The following NUP50 variants were observed in gnomAD, a reference collection of about 807,000 sequenced individuals.
NUP50 encodes the protein nucleoporin 50.
NUP50 carries 14 observed loss-of-function variants against 36.8 expected under a neutral mutation model. That is an observed-to-expected ratio of 0.38 (90% CI 0.25 to 0.59). NUP50 has a LOEUF of 0.59. Among genes scored for constraint, NUP50 ranks in the 20% least tolerant of loss-of-function variants. NUP50 has a pLI of 0.63. For synonymous variants in NUP50, 195 were observed against 210.8 expected (o/e 0.93, Z 0.65); for missense variants, 455 against 564.6 (o/e 0.81, Z 1.97).
Position 45,165,363 on chromosome 22 carries a change from G to A in NUP50, c.-11+1067G>A, listed in dbSNP as rs189822896. Among the ~76,000 whole-genome samples the A allele has an allele frequency of 2.8e-4, 42 of 152,312 alleles. No homozygotes were observed. In the East Asian group the frequency reaches 7.3e-3, roughly 27 times the overall value. Reference sequence around the variant, plus strand: ...TGATTCTCCTGCCTCAGCTTTCCAAGTAGCTGGGACCACAGGCGTGCGCCA... The same window carrying A: ...TGATTCTCCTGCCTCAGCTTTCCAAATAGCTGGGACCACAGGCGTGCGCCA... On this transcript the variant is annotated intron_variant, in intron 1 of 7. Coordinates refer to ENST00000347635, the MANE Select transcript of NUP50 (RefSeq NM_007172.4).
chr22:45,175,806 T>C (rs981814848), intron 3 of NUP50, 88 bp from the exon 4 acceptor site: 3 of 1,300,612 alleles, frequency 2.3e-6, no homozygotes, highest in African/African-American at 2.9e-5. Flanking sequence ...GTCTAGGTGC[T>C]GTTTAGCCAA....
intron 2 of NUP50, among the ~76,000 whole-genome samples, chr22:45,170,737 A>G (rs73432277): frequency 0.023 from 3,468 of 152,290 alleles, 134 homozygotes; most frequent in African/African-American, 0.078. Context: ...ATTCTGGGCT[A>G]TAGTAACATC....
In NUP50 at chr22:45,175,928, G is replaced by A. The variant is rs531514080; in HGVS notation, c.188G>A (p.Gly63Asp). The part of the protein sequence containing the change: ...DTGGAFKGFK[G>D]LVVPSGGGRF... ...GGAGGAGCCTTTAAAGGTTTTAAAG[G>A]TTTGGTGGTACCTTCTGGAGGAGGA... Residue 63 changes from glycine (G) to aspartate (D), a missense_variant, in exon 4 of 8, where the codon GGT (glycine) becomes GAT (aspartate). Gly to Asp is a moderately conservative substitution (Grantham distance 94). Around this residue, in one of 3 missense-constraint regions of NUP50, gnomAD observed 166 missense variants for 202.8 expected, o/e 0.82. Transcript: ENST00000347635. The A allele has an allele frequency of 1.9e-6, 3 of 1,614,108 alleles. No individual in the cohort carries two copies. Among genetic ancestry groups the A allele is most frequent in the South Asian group, 2.2e-5 (2 of 91,082 alleles).
At position 45,178,919 on chromosome 22, in the gene NUP50, G is replaced by C; in HGVS notation, c.1003+19G>C. ...TGCAAAGGTAAGTACCAGCTTTGTCGTTGAGTCGAGGTTTGCATAAGATTC... is the reference window on the plus strand; with the variant it reads ...TGCAAAGGTAAGTACCAGCTTTGTCCTTGAGTCGAGGTTTGCATAAGATTC... On this transcript the variant is annotated intron_variant, in intron 5 of 7. Transcript: ENST00000347635. 6.3e-7 allele frequency: 1 copy of C among 1,585,432 alleles called. No individual in the cohort carries two copies.
intron 2 of NUP50, among the ~76,000 whole-genome samples, chr22:45,168,756 C>G (rs767460304): frequency 6.6e-6 from 1 of 152,030 alleles, no homozygotes; most frequent in Non-Finnish European, 1.5e-5. Context: ...CTAACAATTG[C>G]ATTTATAGGA....
At chr22:45,181,855 T>C (rs1009541201) in intron 6 of NUP50, among the ~76,000 whole-genome samples, 1 of 152,256 alleles carries the variant, frequency 6.6e-6, no homozygotes, top group Non-Finnish European at 1.5e-5. Flanking sequence ...TGAGGACTTA[T>C]AAAAACTTTC....
At chr22:45,182,836 G>A (rs547124673) in intron 6 of NUP50, among the ~76,000 whole-genome samples, 2 of 151,968 alleles carry the variant, frequency 1.3e-5, no homozygotes, top group Admixed American at 1.3e-4. Flanking sequence ...GTGTTAGCCA[G>A]GATGGTCTCA....
rs1296306086 is a variant in NUP50, at chr22:45,165,769, T to G, written c.-11+1473T>G. On this transcript the variant is annotated intron_variant, in intron 1 of 7. Transcript: ENST00000347635. ...AGCCTTTGCTTCTAATAAAACTTGTTTCTTTAATAATTTATTAAGCCCTTC... is the reference window on the plus strand; with the variant it reads ...AGCCTTTGCTTCTAATAAAACTTGTGTCTTTAATAATTTATTAAGCCCTTC... 3 of 152,258 alleles carry G rather than the reference T, an allele frequency of 2.0e-5. No individual in the cohort carries two copies. In the East Asian group the frequency reaches 5.8e-4, roughly 29 times the overall value. 9.4% of individuals were successfully genotyped at this position (152,258 alleles called of 1,614,324 possible). A position where few individuals can be genotyped will look rare whatever the true frequency, so the allele number is the denominator to read the frequency against.
intron 1 of NUP50, among the ~76,000 whole-genome samples, chr22:45,167,787 C>T (rs2074118030): frequency 6.6e-6 from 1 of 152,186 alleles, no homozygotes; most frequent in East Asian, 1.9e-4. Context: ...TATGACAAGA[C>T]TTTCAGTATG....
At chr22:45,175,780 G>A (rs1184935757) in intron 3 of NUP50, 114 bp from the exon 4 acceptor site, 16 of 871,742 alleles carry the variant, frequency 1.8e-5, no homozygotes, top group African/African-American at 1.5e-4. Context: ...GCCTTATAAC[G>A]CTGACTGCAT....
intron 3 of NUP50, 150 bp from the exon 4 acceptor site, chr22:45,175,741 TTTC>T: frequency 1.7e-6 from 1 of 590,910 alleles, no homozygotes; most frequent in Non-Finnish European, 2.9e-6. Flanking sequence ...TCCCATCTCA[TTTC>T]TTATTTCTGC....
At chr22:45,184,343 G>A (rs1285355952) in intron 7 of NUP50, 110 bp from the exon 8 acceptor site, 4 of 1,019,100 alleles carry the variant, frequency 3.9e-6, no homozygotes, top group East Asian at 5.1e-5. Context: ...TTGGCTCCCT[G>A]TCTTAGATGT....
intron 7 of NUP50, 61 bp downstream of exon 7, chr22:45,183,581 C>T (rs1601792247): frequency 9.7e-7 from 1 of 1,027,426 alleles, no homozygotes; most frequent in South Asian, 1.3e-5. Context: ...AAGCGTTTAC[C>T]CTGCTGACTC....
intron 4 of NUP50, among the ~76,000 whole-genome samples, chr22:45,176,988 C>T (rs2074286407): frequency 6.6e-6 from 1 of 152,134 alleles, no homozygotes; most frequent in Non-Finnish European, 1.5e-5. Flanking sequence ...GATCCACCTG[C>T]CTTGGCCTCC....
chr22:45,165,453 C>A (rs1270919016), intron 1 of NUP50, among the ~76,000 whole-genome samples: 1 of 152,184 alleles, frequency 6.6e-6, no homozygotes, highest in Non-Finnish European at 1.5e-5. Flanking sequence ...TTCGTAGAGA[C>A]CAAGTTGGTT....
intron 1 of NUP50, among the ~76,000 whole-genome samples, chr22:45,167,668 A>G (rs868337050): frequency 5.3e-5 from 8 of 152,150 alleles, no homozygotes; most frequent in African/African-American, 1.9e-4. Context: ...AAAGAACAGT[A>G]TTCGTGTTGT....
rs1436720741 is a variant in NUP50, at chr22:45,185,441, A to G, written c.*786A>G. 3 of 152,404 alleles carry G rather than the reference A, an allele frequency of 2.0e-5. No individual in the cohort carries two copies. The highest frequency in any genetic ancestry group is 2.4e-5 in the African/African-American group (1 of 41,424). The allele number at this position is 152,404 out of a possible 1,614,324, so 9.4% of individuals were successfully genotyped here. On this transcript the variant is annotated 3_prime_UTR_variant, in exon 8 of 8. Transcript: ENST00000347635. Reference sequence around the variant, plus strand: ...AATGTGGTAGCTTATCATCTACACCATGGAGAGTGAACCCTTACGAAATGA... The same window carrying G: ...AATGTGGTAGCTTATCATCTACACCGTGGAGAGTGAACCCTTACGAAATGA...
intron 5 of NUP50, 143 bp downstream of exon 5, chr22:45,179,043 C>A: frequency 1.4e-6 from 1 of 728,500 alleles, no homozygotes; most frequent in Non-Finnish European, 2.2e-6. Flanking sequence ...CAGAGCTAAT[C>A]AGCTTCTCTG....
intron 1 of NUP50, among the ~76,000 whole-genome samples, chr22:45,167,617 G>A (rs1311281268): frequency 6.6e-6 from 1 of 152,200 alleles, no homozygotes; most frequent in African/African-American, 2.4e-5. Context: ...GCAACAAAAT[G>A]TTCAGTCTTG....
Sources: gnomAD v4.1 joint callset for allele counts (sites outside exome capture counted in the v4.1 genomes callset) on GRCh38, gnomAD v4.1.1 for gene constraint, gnomAD v4.1.1 regional missense constraint, MANE v1.5 for transcripts, NCBI Gene and HGNC (gene_info 2026-07-23, HGNC 2026-07-21) for gene names.